CALCR: variants seen among roughly 807,000 people sequenced by gnomAD.
CALCR encodes calcitonin receptor.
Under a neutral mutation model 59.5 loss-of-function variants are expected in CALCR, and 47 were observed. The observed-to-expected ratio is 0.79, with a 90% confidence interval of 0.63 to 1.01. The LOEUF (loss-of-function observed/expected upper bound fraction) is 1.01, where lower values mean the gene tolerates loss of function less well. Among genes scored for constraint, CALCR ranks in the 50% least tolerant of loss-of-function variants. CALCR has a pLI of 0.00. For missense variants in CALCR, 566 were observed against 597.1 expected (o/e 0.95, Z 0.54); for synonymous variants, 213 against 211.3 (o/e 1.01, Z -0.07).
rs1477129819 is a variant in CALCR, at chr7:93,479,445, T to C, written c.114A>G (p.Pro38=). ...TCTTTCGTCCTACGACGTAAAGAAA[T>C]GGCTTGGGCTCTATTGTTGGATAGG... ...NQTYPTIEPK[P]FLYVVGRKKM... is the part of the protein sequence containing the mutation. Residue 38 remains proline (P), a synonymous_variant, in exon 4 of 14, where the codon CCA becomes CCG. Transcript: ENST00000426151. The C allele has an allele frequency of 1.2e-6, 2 of 1,612,528 alleles. No homozygotes were observed. Among genetic ancestry groups the C allele is most frequent in the African/African-American group, 2.7e-5 (2 of 74,788 alleles).
At chr7:93,462,239 T>A (rs1800352633) in intron 7 of CALCR, 3 of 539,446 alleles carry the variant, frequency 5.6e-6, no homozygotes, top group Non-Finnish European at 9.6e-6. Flanking sequence ...TTTAAAAATT[T>A]AACTTGTTAA....
intron 2 of CALCR, among the ~76,000 whole-genome samples, chr7:93,556,640 T>G (rs1224271132): frequency 6.6e-6 from 1 of 151,980 alleles, no homozygotes; most frequent in Non-Finnish European, 1.5e-5. Context: ...GAATGTATAA[T>G]TTTACACAAC....
At chr7:93,526,916 T>A (rs1283670646) in intron 2 of CALCR, among the ~76,000 whole-genome samples, 2 of 152,040 alleles carry the variant, frequency 1.3e-5, no homozygotes, top group Non-Finnish European at 2.9e-5. Flanking sequence ...CATGAATACA[T>A]GGCATTAAGT....
chr7:93,538,484 C>T (rs1789048735), intron 2 of CALCR, among the ~76,000 whole-genome samples: 1 of 152,010 alleles, frequency 6.6e-6, no homozygotes, highest in African/African-American at 2.4e-5. Context: ...ACTGCATGCT[C>T]AGATCTTCCC....
At chr7:93,515,988 G>A (rs1801642780) in intron 2 of CALCR, among the ~76,000 whole-genome samples, 1 of 149,906 alleles carries the variant, frequency 6.7e-6, no homozygotes, top group Non-Finnish European at 1.5e-5. Context: ...ATATAAGAAA[G>A]CATTGAGTCA....
At chr7:93,434,227 T>C (rs756582284) in intron 13 of CALCR, 26 bp downstream of exon 13, 3 of 1,548,232 alleles carry the variant, frequency 1.9e-6, no homozygotes, top group Non-Finnish European at 2.7e-6. Flanking sequence ...AAACAAGTGA[T>C]AGTATTATAT....
chr7:93,455,764 A>G (rs1423327636), intron 8 of CALCR, among the ~76,000 whole-genome samples: 1 of 151,964 alleles, frequency 6.6e-6, no homozygotes, highest in Admixed American at 6.6e-5. Context: ...CTGAATTTAC[A>G]GTTTCAACTG....
chr7:93,505,588 C>T (rs1421422207), intron 2 of CALCR, among the ~76,000 whole-genome samples: 1 of 152,178 alleles, frequency 6.6e-6, no homozygotes, highest in East Asian at 1.9e-4. Context: ...CCCGTCTTCT[C>T]AACCCTGTCT....
At chr7:93,472,572 C>T in intron 5 of CALCR, 85 bp from the exon 6 acceptor site, 1 of 776,330 alleles carries the variant, frequency 1.3e-6, no homozygotes, top group Non-Finnish European at 2.2e-6. Flanking sequence ...AAAAGCCATT[C>T]CAACATATTA....
intron 3 of CALCR, among the ~76,000 whole-genome samples, chr7:93,480,087 T>C (rs1345985917): frequency 6.6e-6 from 1 of 151,916 alleles, no homozygotes; most frequent in Non-Finnish European, 1.5e-5. Context: ...AGATGACCTG[T>C]ACAGGGCAAT....
In CALCR at chr7:93,438,203, T is replaced by C. The variant is rs1444714162; in HGVS notation, c.863+7A>G. On this transcript the variant is annotated splice_region_variant and intron_variant, in intron 10 of 13. Transcript: ENST00000426151. ...TATGTTAACTTAAACATCACCATAA[T>C]ACTTACTTGTCATTGAAGTACACGG... 1 of 1,612,616 alleles carries C rather than the reference T, an allele frequency of 6.2e-7. No homozygotes were observed. The highest frequency in any genetic ancestry group is 1.3e-5 in the African/African-American group (1 of 74,994).
At chr7:93,539,620 T>A (rs1789078603) in intron 2 of CALCR, among the ~76,000 whole-genome samples, 1 of 151,796 alleles carries the variant, frequency 6.6e-6, no homozygotes, top group Non-Finnish European at 1.5e-5. Context: ...TGACCTAGGG[T>A]TATATCCCAG....
At chr7:93,464,401 A>C (rs1800399850) in intron 7 of CALCR, among the ~76,000 whole-genome samples, 1 of 151,950 alleles carries the variant, frequency 6.6e-6, no homozygotes, top group African/African-American at 2.4e-5. Context: ...ATTAGGAATC[A>C]TTTCTGTAAT....
intron 2 of CALCR, among the ~76,000 whole-genome samples, chr7:93,569,832 C>T (rs1292971544): frequency 6.6e-6 from 1 of 151,866 alleles, no homozygotes; most frequent in African/African-American, 2.4e-5. Flanking sequence ...ATGTTGAATT[C>T]TGAACCACCG....
At chr7:93,548,258 TG>T (rs1309367930) in intron 2 of CALCR, among the ~76,000 whole-genome samples, 1 of 152,164 alleles carries the variant, frequency 6.6e-6, no homozygotes, top group Non-Finnish European at 1.5e-5. Context: ...GAGCATCTTT[TG>T]GGGATATAAA....
At chr7:93,476,197 C>T (rs1800662563) in intron 5 of CALCR, among the ~76,000 whole-genome samples, 1 of 151,808 alleles carries the variant, frequency 6.6e-6, no homozygotes, top group Non-Finnish European at 1.5e-5. Context: ...TCTTCAAGTG[C>T]AGGGCTGTAA....
intron 2 of CALCR, among the ~76,000 whole-genome samples, chr7:93,548,506 A>C (rs1378711299): frequency 1.3e-5 from 2 of 152,186 alleles, no homozygotes; most frequent in African/African-American, 2.4e-5. Context: ...AAATAACTAT[A>C]ATAAAACTCC....
chr7:93,506,903 T>C (rs1801436858), intron 2 of CALCR, among the ~76,000 whole-genome samples: 1 of 152,156 alleles, frequency 6.6e-6, no homozygotes, highest in African/African-American at 2.4e-5. Context: ...ATTCTCATAA[T>C]AATGAATAAG....
chr7:93,557,139 T>C (rs751655643), intron 2 of CALCR, among the ~76,000 whole-genome samples: 1 of 152,048 alleles, frequency 6.6e-6, no homozygotes, highest in African/African-American at 2.4e-5. Context: ...CAGAGACATC[T>C]GAATTTGAAT....
Sources: allele counts gnomAD v4.1 joint callset (sites outside exome capture counted in the v4.1 genomes callset), GRCh38; gene constraint gnomAD v4.1.1; transcripts MANE v1.5; gene names NCBI Gene and HGNC (gene_info 2026-07-23, HGNC 2026-07-21).